FGF13: variants seen among roughly 807,000 people sequenced by gnomAD.
FGF13 encodes the protein fibroblast growth factor 13.
Under a neutral mutation model 19.5 loss-of-function variants are expected in FGF13, and 2 were observed. That is an observed-to-expected ratio of 0.10 (90% CI 0.04 to 0.32). FGF13 has a LOEUF of 0.32. Among genes scored for constraint, FGF13 ranks in the 10% least tolerant of loss-of-function variants. FGF13 has a pLI of 1.00. For missense variants in FGF13, 113 were observed against 192.7 expected, an observed-to-expected ratio of 0.59 and a Z score of 2.45; for synonymous variants, 72 against 76.9, an observed-to-expected ratio of 0.94 and a Z score of 0.33.
chrX:138,710,744 T>C, intron 1 of FGF13, 73 bp downstream of exon 1: 1 of 1,180,275 alleles, frequency 8.5e-7, no homozygotes, highest in Admixed American at 2.3e-5. Context: ...TCACCTATGC[T>C]ACATACCTGC....
chrX:139,150,349 A>C (rs2083924515), intron 1 of FGF13, among the ~76,000 whole-genome samples: 1 of 112,239 alleles, frequency 8.9e-6, no homozygotes, highest in Non-Finnish European at 1.9e-5. Flanking sequence ...GCTTTAAAAA[A>C]CCAAAGTAGT....
intron 3 of FGF13, among the ~76,000 whole-genome samples, chrX:138,783,513 C>A (rs1282129742): frequency 1.1e-5 from 1 of 94,198 alleles, no homozygotes; most frequent in Non-Finnish European, 2.1e-5. Flanking sequence ...AGGACATGAA[C>A]AGACACTTCT....
At chrX:139,087,227 C>T (rs776297445) in intron 1 of FGF13, among the ~76,000 whole-genome samples, 70 of 109,767 alleles carry the variant, frequency 6.4e-4, no homozygotes, top group Non-Finnish European at 1.1e-3. Context: ...ACCCGGGAGG[C>T]AGAGGTTGCA....
At chrX:138,828,634 C>T (rs1179644114) in intron 3 of FGF13, among the ~76,000 whole-genome samples, 3 of 110,419 alleles carry the variant, frequency 2.7e-5, no homozygotes, top group Admixed American at 9.6e-5. Context: ...TCTTATTGTG[C>T]AACACATTCT....
At chrX:139,099,472 T>C (rs917492880) in intron 1 of FGF13, among the ~76,000 whole-genome samples, 7 of 109,639 alleles carry the variant, frequency 6.4e-5, no homozygotes, top group Non-Finnish European at 3.8e-5. Context: ...GTTAGAGTAC[T>C]GACAAACGTA....
chrX:138,672,763 C>G (rs1299310107), intron 3 of FGF13, among the ~76,000 whole-genome samples: 1 of 111,046 alleles, frequency 9.0e-6, no homozygotes, highest in African/African-American at 3.3e-5. Context: ...TGAGTGTGCA[C>G]AGAGAAAAGA....
At chrX:138,781,415 A>G (rs761989512) in intron 3 of FGF13, among the ~76,000 whole-genome samples, 102 of 110,531 alleles carry the variant, frequency 9.2e-4, no homozygotes, top group Non-Finnish European at 1.1e-3. Flanking sequence ...TTGATAGACC[A>G]CTAGCAAGAC....
intron 1 of FGF13, among the ~76,000 whole-genome samples, chrX:138,878,137 T>C (rs2091401330): frequency 9.2e-6 from 1 of 108,319 alleles, no homozygotes; most frequent in African/African-American, 3.6e-5. Flanking sequence ...TGAAGTGGTA[T>C]CTCATTTTTT....
chrX:138,930,208 T>C lies in FGF13; in HGVS notation c.-112-65558A>G, dbSNP rs899929064. On this transcript the variant is annotated intron_variant, in intron 1 of 2. Transcript: ENST00000421460. ...TAACTTGTTCACATTGAGGCCAACA[T>C]ATTTGTTAAATTCCTAGCAAAACAT... 4.5e-5 allele frequency among the ~76,000 whole-genome samples: 5 copies of C among 111,609 alleles called. No homozygotes were observed. The South Asian group carries it at 1.5e-3, about 34-fold the overall frequency.
chrX:138,948,588 G>C (rs899328276), intron 1 of FGF13, among the ~76,000 whole-genome samples: 1 of 111,590 alleles, frequency 9.0e-6, no homozygotes, highest in African/African-American at 3.3e-5. Flanking sequence ...ATCAGTAGAG[G>C]GCTCTAACAT....
intron 1 of FGF13, among the ~76,000 whole-genome samples, chrX:139,130,882 T>C (rs958992698): frequency 8.9e-6 from 1 of 112,018 alleles, no homozygotes; most frequent in Non-Finnish European, 1.9e-5. Context: ...TATTTAAAAA[T>C]ATTATTTTAA....
rs1569348133 is a variant in FGF13, at chrX:138,627,636, T to TGC, written c.*5213_*5214insGC. On this transcript the variant is annotated 3_prime_UTR_variant, in exon 5 of 5. Coordinates refer to ENST00000315930, the MANE Select transcript of FGF13 (RefSeq NM_004114.5). The stretch of plus-strand genomic sequence containing the variant: ...GTGTGTGTGTGTGTGTGCGCGTGTG[T>TGC]GTGTGTGTGTGTGTGAAGTGTTTGT... 6 of 104,878 alleles carry TGC rather than the reference T, an allele frequency of 5.7e-5. No homozygotes were observed. The highest frequency in any genetic ancestry group is 2.2e-4 in the African/African-American group (6 of 27,660). 8.6% of individuals were successfully genotyped at this position (104,878 alleles called of 1,213,427 possible). A position where few individuals can be genotyped will look rare whatever the true frequency, so the allele number is the denominator to read the frequency against.
rs1324994116 is a variant in FGF13, at chrX:138,895,011, G to A, written c.-112-30361C>T. ...CGGATACAAGGCAGGTTCAACATAC[G>A]CAAATCAATAAATGTAACCCAGAGT... is the stretch of plus-strand genomic sequence containing the variant. On this transcript the variant is annotated intron_variant, in intron 1 of 2. Transcript: ENST00000421460. Among the ~76,000 whole-genome samples the A allele has an allele frequency of 8.0e-5, 9 of 111,826 alleles. No homozygotes were observed. In the East Asian group the frequency reaches 2.5e-3, roughly 31 times the overall value.
chrX:139,018,921 T>C (rs2092165678), intron 1 of FGF13, among the ~76,000 whole-genome samples: 1 of 110,984 alleles, frequency 9.0e-6, no homozygotes, highest in South Asian at 3.8e-4. Context: ...TTTAGAACAT[T>C]TTCACTACCC....
At chrX:138,880,171 T>C (rs1431999103) in intron 1 of FGF13, among the ~76,000 whole-genome samples, 2 of 111,723 alleles carry the variant, frequency 1.8e-5, no homozygotes, top group Non-Finnish European at 3.8e-5. Flanking sequence ...TGTTAAAAAG[T>C]CAGGAAACAA....
At chrX:138,858,747 G>C (rs115934576) in intron 2 of FGF13, among the ~76,000 whole-genome samples, 5,190 of 105,229 alleles carry the variant, frequency 0.049, 286 homozygotes, top group African/African-American at 0.18. Context: ...ATAATGCCGT[G>C]GTGTTTGTAA....
intron 3 of FGF13, among the ~76,000 whole-genome samples, chrX:138,759,111 G>A (rs1017096669): frequency 1.8e-5 from 2 of 112,203 alleles, no homozygotes; most frequent in South Asian, 7.4e-4. Flanking sequence ...GTTGGTCTGA[G>A]TCATTGCTGG....
At chrX:138,690,202 C>T (rs1023191931) in intron 3 of FGF13, among the ~76,000 whole-genome samples, 1 of 111,648 alleles carries the variant, frequency 9.0e-6, no homozygotes, top group African/African-American at 3.3e-5. Context: ...AGGGTCAAAA[C>T]TTTGCTCTTT....
At chrX:138,920,321 C>T (rs954506557) in intron 1 of FGF13, among the ~76,000 whole-genome samples, 1 of 110,992 alleles carries the variant, frequency 9.0e-6, no homozygotes, top group African/African-American at 3.3e-5. Context: ...ATAAAAATCC[C>T]TGTTTTTAGA....
Sources: allele counts gnomAD v4.1 joint callset (sites outside exome capture counted in the v4.1 genomes callset), GRCh38; gene constraint gnomAD v4.1.1; transcripts MANE v1.5; gene names NCBI Gene and HGNC (gene_info 2026-07-23, HGNC 2026-07-21).